FAP: variants seen among roughly 807,000 people sequenced by gnomAD.
FAP encodes fibroblast activation protein alpha, also known as prolyl endopeptidase FAP.
A neutral mutation model predicts 126.5 loss-of-function variants in FAP; 110 were observed. The ratio of observed to expected loss-of-function variants is 0.87; its 90% CI spans 0.74 to 1.02. FAP has a LOEUF of 1.02. FAP is among the 50% of genes least tolerant of loss of function. The pLI is 0.00. For missense variants in FAP, 919 were observed against 909.2 expected (o/e 1.01, Z -0.14); for synonymous variants, 334 against 297.3 (o/e 1.12, Z -1.27).
intron 20 of FAP, among the ~76,000 whole-genome samples, chr2:162,186,831 T>TA (rs200481047): frequency 0.014 from 2,070 of 152,108 alleles, 21 homozygotes; most frequent in Middle Eastern, 0.051. Context: ...GTTAATATTC[T>TA]CATTAAGGCA....
intron 10 of FAP, among the ~76,000 whole-genome samples, 162 bp from the exon 11 acceptor site, chr2:162,214,235 A>G (rs1183613402): frequency 6.6e-6 from 1 of 152,174 alleles, no homozygotes; most frequent in African/African-American, 2.4e-5. Context: ...GAAAGTTTAA[A>G]TATCTCTACT....
chr2:162,232,040 G>T lies in FAP; in HGVS notation c.92-5419C>A, dbSNP rs527856766. On this transcript the variant is annotated intron_variant, in intron 2 of 25. Transcript: ENST00000188790. ...GTATCATCTCCAATTATCACACCGG[G>T]TTTTGTTTGTTTCCGGAGTGAGCAC... is the stretch of plus-strand genomic sequence containing the variant. 2.8e-4 allele frequency among the ~76,000 whole-genome samples: 42 copies of T among 152,228 alleles called. 1 individual carries two copies. The South Asian group carries it at 2.9e-3, about 11-fold the overall frequency.
At chr2:162,197,862 C>T (rs549587140) in intron 16 of FAP, 115 of 337,330 alleles carry the variant, frequency 3.4e-4, no homozygotes, top group Non-Finnish European at 5.9e-4. Context: ...TTTCCAAGTA[C>T]TCTAACTCTC....
intron 2 of FAP, among the ~76,000 whole-genome samples, chr2:162,227,085 T>C (rs1247628028): frequency 1.3e-5 from 2 of 152,168 alleles, no homozygotes; most frequent in African/African-American, 4.8e-5. Context: ...TGGTTCAGAT[T>C]TCAACTGATT....
rs1302092851 is a variant in FAP, at chr2:162,189,682, A to G, written c.1523T>C (p.Ile508Thr). The G allele has an allele frequency of 1.3e-6, 2 of 1,584,188 alleles. No homozygotes were observed. Among genetic ancestry groups the G allele is most frequent in the Non-Finnish European group, 1.7e-6 (2 of 1,161,592 alleles). ...AATTTCATCTACTTCAAGTTTCTTA[A>G]TTTCCTCTTTAGGCAGCTGGATATT... ...LKNIQLPKEE[I>T]KKLEVDEITL... Residue 508 changes from isoleucine to threonine, a missense_variant, in exon 18 of 26, where the codon ATT (isoleucine) becomes ACT (threonine). Physicochemically the swap from Ile to Thr is moderately conservative, Grantham distance 89. Transcript: ENST00000188790.
At chr2:162,198,519 A>G in intron 16 of FAP, 1 of 691,068 alleles carries the variant, frequency 1.4e-6, no homozygotes, top group Non-Finnish European at 2.2e-6. Context: ...GCTTAGCTGC[A>G]GTGCGGACCT....
chr2:162,218,134 A>G lies in FAP; in HGVS notation c.614T>C (p.Met205Thr). ...GIPDWVYEEEMLATKYALWWS... is the reference protein window; with the variant it reads ...GIPDWVYEEETLATKYALWWS... ...CCAGAGAGCATATTTTGTAGCAAGC[A>G]TTTCCTCTGAAAAATAAGTACTAGG... The change falls in exon 9 of 26, where the codon ATG becomes ACG. Residue 205 changes from methionine (M) to threonine (T), a missense_variant. By Grantham distance (81) the Met-to-Thr change is moderately conservative. Transcript: ENST00000188790. 6.3e-7 allele frequency: 1 copy of G among 1,598,522 alleles called. No individual in the cohort carries two copies. Among genetic ancestry groups the G allele is most frequent in the Non-Finnish European group, 8.5e-7 (1 of 1,173,244 alleles).
chr2:162,219,996 A>G (rs1324727008), intron 6 of FAP, 71 bp from the exon 7 acceptor site: 10 of 1,039,618 alleles, frequency 9.6e-6, no homozygotes, highest in Admixed American at 2.0e-5. Flanking sequence ...ATCTGTATGA[A>G]CAGAAAAAAT....
rs1460522914 is a variant in FAP at position 162,179,808 on chromosome 2, ATATATTT to A, written c.1869+3599_1869+3605del. Among the ~76,000 whole-genome samples, 14 of 133,962 alleles carry A rather than the reference ATATATTT, an allele frequency of 1.0e-4. 1 individual carries two copies. The highest frequency in any genetic ancestry group is 4.1e-4 in the East Asian group (2 of 4,826). 87.9% of individuals were successfully genotyped at this position (133,962 alleles called of 152,430 possible). On this transcript the variant is annotated intron_variant, in intron 21 of 25. Coordinates refer to ENST00000188790, the MANE Select transcript of FAP (RefSeq NM_004460.5). ...TATCTATCTATATATATATATATAT[ATATATTT>A]TTTTTTTTTTTGAGATGGAGTCTCG... is the stretch of plus-strand genomic sequence containing the variant.
intron 2 of FAP, among the ~76,000 whole-genome samples, chr2:162,232,091 A>C (rs1201923950): frequency 6.6e-6 from 1 of 152,174 alleles, no homozygotes; most frequent in Non-Finnish European, 1.5e-5. Context: ...AGGAAGTATT[A>C]GGATGGGAAA....
At chr2:162,217,073 T>A (rs993585257) in intron 9 of FAP, among the ~76,000 whole-genome samples, 1 of 152,208 alleles carries the variant, frequency 6.6e-6, no homozygotes, top group Admixed American at 6.5e-5. Flanking sequence ...TTACACAGCT[T>A]TTAGACTTTT....
intron 22 of FAP, among the ~76,000 whole-genome samples, chr2:162,174,241 C>CT (rs935995160): frequency 5.9e-5 from 9 of 152,214 alleles, no homozygotes; most frequent in African/African-American, 1.9e-4. Context: ...GATGCACACA[C>CT]TTTTTTTCTT....
At chr2:162,190,978 G>A (rs1479457907) in intron 17 of FAP, among the ~76,000 whole-genome samples, 2 of 152,026 alleles carry the variant, frequency 1.3e-5, no homozygotes, top group African/African-American at 4.8e-5. Flanking sequence ...TAATCCATCA[G>A]GGAAGAGATA....
intron 21 of FAP, among the ~76,000 whole-genome samples, chr2:162,181,688 T>C (rs1687700295): frequency 6.6e-6 from 1 of 152,194 alleles, no homozygotes; most frequent in Non-Finnish European, 1.5e-5. Flanking sequence ...CTTGGAAGAT[T>C]GCTGAGCCAT....
chr2:162,203,655 T>C (rs1330468944), intron 12 of FAP, among the ~76,000 whole-genome samples: 1 of 152,166 alleles, frequency 6.6e-6, no homozygotes, highest in African/African-American at 2.4e-5. Context: ...GAGGGGCTTC[T>C]GGACTTGAGA....
chr2:162,181,733 G>T (rs1177322450), intron 21 of FAP, among the ~76,000 whole-genome samples: 1 of 152,150 alleles, frequency 6.6e-6, no homozygotes, highest in African/African-American at 2.4e-5. Flanking sequence ...CCACAAGAGG[G>T]CCAGGACTAC....
intron 20 of FAP, among the ~76,000 whole-genome samples, chr2:162,183,924 G>C (rs996963884): frequency 1.3e-5 from 2 of 152,076 alleles, no homozygotes; most frequent in African/African-American, 2.4e-5. Context: ...CATTTTCAGA[G>C]ACATTTGAGA....
chr2:162,224,251 C>G (rs946440032), intron 5 of FAP, among the ~76,000 whole-genome samples: 1 of 152,092 alleles, frequency 6.6e-6, no homozygotes, highest in African/African-American at 2.4e-5. Flanking sequence ...ATAAATGATG[C>G]AAGTATTATT....
At chr2:162,233,572 C>G (rs1689984717) in intron 2 of FAP, among the ~76,000 whole-genome samples, 1 of 151,924 alleles carries the variant, frequency 6.6e-6, no homozygotes, top group South Asian at 2.1e-4. Flanking sequence ...AGTTATTTAT[C>G]TTTTTATTAT....
Sources: allele counts gnomAD v4.1 joint callset (sites outside exome capture counted in the v4.1 genomes callset), GRCh38; gene constraint gnomAD v4.1.1; transcripts MANE v1.5; gene names NCBI Gene and HGNC (gene_info 2026-07-23, HGNC 2026-07-21).